SLC13A1: variants seen among roughly 807,000 people sequenced by gnomAD.
SLC13A1 encodes solute carrier family 13 member 1.
A neutral mutation model predicts 70.0 loss-of-function variants in SLC13A1; 65 were observed. The ratio of observed to expected loss-of-function variants is 0.93; its 90% CI spans 0.76 to 1.14. The LOEUF is 1.14. Among genes scored for constraint, SLC13A1 ranks in the 50% most tolerant of loss-of-function variants. The probability of loss-of-function intolerance (pLI) is 0.00; values close to 1 mark genes in which losing one functional copy is unlikely to be tolerated. For missense variants in SLC13A1, 726 were observed against 717.8 expected (o/e 1.01, Z -0.13); for synonymous variants, 275 against 250.5 (o/e 1.10, Z -0.92).
chr7:123,198,989 T>C (rs548184914), intron 1 of SLC13A1, among the ~76,000 whole-genome samples: 13 of 152,202 alleles, frequency 8.5e-5, no homozygotes, highest in African/African-American at 2.9e-4. Flanking sequence ...ATCTTTCATA[T>C]GAGAAAACAG....
intron 2 of SLC13A1, among the ~76,000 whole-genome samples, chr7:123,173,896 C>T (rs60990739): frequency 3.3e-5 from 5 of 151,848 alleles, no homozygotes; most frequent in African/African-American, 1.2e-4. Context: ...TAGTCTCCCA[C>T]CTCTTTCAAC....
intron 8 of SLC13A1, among the ~76,000 whole-genome samples, chr7:123,132,951 T>C (rs2116332766): frequency 6.6e-6 from 1 of 152,324 alleles, no homozygotes; most frequent in East Asian, 1.9e-4. Context: ...CCTACCAGCT[T>C]TGATCCCAGC....
intron 13 of SLC13A1, among the ~76,000 whole-genome samples, chr7:123,118,334 A>G (rs1011437918): frequency 1.3e-5 from 2 of 152,182 alleles, no homozygotes; most frequent in Non-Finnish European, 2.9e-5. Flanking sequence ...TATTGTACCA[A>G]TATACACAGC....
In SLC13A1 at chr7:123,123,018, C is replaced by T. The variant is rs182724958; in HGVS notation, c.1350+108G>A. 66 of 887,438 alleles carry T rather than the reference C, an allele frequency of 7.4e-5. No homozygotes were observed. In the Admixed American group the frequency reaches 8.3e-4, roughly 11 times the overall value. The allele number at this position is 887,438 out of a possible 1,614,324, so 55.0% of individuals were successfully genotyped here. ...ACTGCATAGCTAGCAAAATTTGCAA[C>T]ATTAAAATGACAGAGTGAAATTGAA... On this transcript the variant is annotated intron_variant, in intron 12 of 14. Coordinates refer to ENST00000194130, the MANE Select transcript of SLC13A1 (RefSeq NM_022444.4).
chr7:123,181,189 C>T, intron 1 of SLC13A1, 88 bp from the exon 2 acceptor site: 1 of 1,384,076 alleles, frequency 7.2e-7, no homozygotes, highest in Non-Finnish European at 9.9e-7. Flanking sequence ...TTAATAGAGC[C>T]ATGTCACAGA....
At chr7:123,173,605 G>GT (rs1795344780) in intron 2 of SLC13A1, among the ~76,000 whole-genome samples, 1 of 151,972 alleles carries the variant, frequency 6.6e-6, no homozygotes. Flanking sequence ...GCCGTGTTTG[G>GT]TTTTTTCGTA....
intron 7 of SLC13A1, among the ~76,000 whole-genome samples, chr7:123,138,237 G>T (rs1336437729): frequency 6.6e-6 from 1 of 152,138 alleles, no homozygotes; most frequent in Non-Finnish European, 1.5e-5. Context: ...TGTTGCAAAT[G>T]ACAGGATCTC....
chr7:123,191,884 A>G (rs1179895246), intron 1 of SLC13A1, among the ~76,000 whole-genome samples: 1 of 152,230 alleles, frequency 6.6e-6, no homozygotes, highest in Non-Finnish European at 1.5e-5. Context: ...TTAAAGCAGT[A>G]CTTGGCATAG....
intron 3 of SLC13A1, among the ~76,000 whole-genome samples, chr7:123,171,261 A>AT (rs1389984351): frequency 6.6e-6 from 1 of 152,152 alleles, no homozygotes; most frequent in Non-Finnish European, 1.5e-5. Context: ...GTCTTAATTG[A>AT]TTTTTTCACT....
At position 123,114,104 on chromosome 7, in the gene SLC13A1, AAAAGC is replaced by A. The variant is rs1793101183; in HGVS notation, c.*1409_*1413del. ...GTCTCAAAAAAAAAAAAAAAAAAAA[AAAAGC>A]AAAGGTTTATTTTTTGCTTTGTCTT... is the stretch of plus-strand genomic sequence containing the variant. On this transcript the variant is annotated 3_prime_UTR_variant, in exon 15 of 15. Coordinates refer to ENST00000194130, the MANE Select transcript of SLC13A1 (RefSeq NM_022444.4). 1 of 150,882 alleles carries A rather than the reference AAAAGC, an allele frequency of 6.6e-6. No individual in the cohort carries two copies. The highest frequency in any genetic ancestry group is 1.5e-5 in the Non-Finnish European group (1 of 67,772). 9.3% of individuals were successfully genotyped at this position (150,882 alleles called of 1,614,324 possible).
intron 2 of SLC13A1, among the ~76,000 whole-genome samples, chr7:123,175,333 CT>C (rs1433391907): frequency 5.3e-5 from 8 of 152,116 alleles, no homozygotes; most frequent in African/African-American, 1.9e-4. Context: ...GGAGCTGATC[CT>C]TGAGTTTATT....
intron 6 of SLC13A1, 50 bp downstream of exon 6, chr7:123,168,324 T>C (rs1188206297): frequency 2.5e-6 from 3 of 1,210,812 alleles, no homozygotes; most frequent in Admixed American, 2.0e-5. Context: ...TAACTACAGC[T>C]CTAATATAAT....
intron 7 of SLC13A1, among the ~76,000 whole-genome samples, chr7:123,138,766 G>T (rs1794036462): frequency 6.6e-6 from 1 of 151,974 alleles, no homozygotes; most frequent in Non-Finnish European, 1.5e-5. Context: ...TGTATTATTA[G>T]ATTTTTCCAT....
At chr7:123,194,568 G>A (rs1265923854) in intron 1 of SLC13A1, among the ~76,000 whole-genome samples, 1 of 151,958 alleles carries the variant, frequency 6.6e-6, no homozygotes, top group Admixed American at 6.6e-5. Context: ...ATAGTACTCT[G>A]GCCAGAGACT....
chr7:123,134,325 T>G, intron 8 of SLC13A1, 85 bp downstream of exon 8: 4 of 1,285,230 alleles, frequency 3.1e-6, no homozygotes, highest in Non-Finnish European at 3.2e-6. Flanking sequence ...CTGCATGGCA[T>G]AGGGGAAAGA....
rs779180540 is a variant in SLC13A1 at position 123,180,999 on chromosome 7, TG to T, written c.201del (p.Met68CysfsTer22). ...VTALLPSLML[P>X]MFGIMPSKKV... ...TTCTTAGAAGGCATGATCCCAAACA[TG>T]GGTAACATTAAACTAGGTAGCAAAG... On this transcript the variant is annotated frameshift_variant, in exon 2 of 15. Transcript: ENST00000194130. LOFTEE classifies it high-confidence loss of function. The T allele has an allele frequency of 6.2e-7, 1 of 1,612,440 alleles. No individual in the cohort carries two copies. The highest frequency in any genetic ancestry group is 8.5e-7 in the Non-Finnish European group (1 of 1,178,944).
At chr7:123,160,203 G>A (rs1294355005) in intron 6 of SLC13A1, among the ~76,000 whole-genome samples, 10 of 151,154 alleles carry the variant, frequency 6.6e-5, no homozygotes, top group East Asian at 1.9e-4. Context: ...CCCAGGAGGC[G>A]GAGGTTGCAG....
chr7:123,166,397 A>ATT (rs58324094), intron 6 of SLC13A1, among the ~76,000 whole-genome samples: 10 of 151,594 alleles, frequency 6.6e-5, no homozygotes, highest in African/African-American at 2.4e-4. Context: ...CCATTTCTTT[A>ATT]TTTTTTTTTA....
intron 6 of SLC13A1, among the ~76,000 whole-genome samples, chr7:123,163,457 G>A (rs1794975795): frequency 1.3e-5 from 2 of 152,036 alleles, no homozygotes; most frequent in Non-Finnish European, 2.9e-5. Flanking sequence ...ATGCAGCATA[G>A]GAAAGTGACT....
Sources: gnomAD v4.1 joint callset for allele counts (sites outside exome capture counted in the v4.1 genomes callset) on GRCh38, gnomAD v4.1.1 for gene constraint, MANE v1.5 for transcripts, NCBI Gene and HGNC (gene_info 2026-07-23, HGNC 2026-07-21) for gene names.